WDR27: variants seen among roughly 807,000 people sequenced by gnomAD.
The protein encoded by WDR27 is WD repeat domain 27.
Under a neutral mutation model 114.4 loss-of-function variants are expected in WDR27, and 100 were observed. The ratio of observed to expected loss-of-function variants is 0.87; its 90% CI spans 0.74 to 1.03. The LOEUF is 1.03. WDR27 is among the 50% of genes least tolerant of loss of function. The pLI is 0.00. For synonymous variants in WDR27, 449 were observed against 423.1 expected, an observed-to-expected ratio of 1.06 and a Z score of -0.75; for missense variants, 1,129 against 1,092.9, an observed-to-expected ratio of 1.03 and a Z score of -0.47.
At chr6:169,630,036 T>G (rs1815944909) in intron 21 of WDR27, among the ~76,000 whole-genome samples, 1 of 152,170 alleles carries the variant, frequency 6.6e-6, no homozygotes, top group South Asian at 2.1e-4. Context: ...ATGACAATGT[T>G]TAAGAAATTT....
At chr6:169,613,181 G>A (rs757799280) in intron 22 of WDR27, among the ~76,000 whole-genome samples, 6 of 152,172 alleles carry the variant, frequency 3.9e-5, no homozygotes, top group Admixed American at 3.3e-4. Flanking sequence ...AGAGTCAGGC[G>A]CCGCTGGCCC....
chr6:169,682,895 A>G (rs1781896337), intron 2 of WDR27, among the ~76,000 whole-genome samples: 1 of 152,240 alleles, frequency 6.6e-6, no homozygotes, highest in Non-Finnish European at 1.5e-5. Context: ...AAAATCAAAA[A>G]TTTTGGAGCT....
chr6:169,491,488 T>C (rs1007607818), intron 25 of WDR27, among the ~76,000 whole-genome samples: 6 of 151,760 alleles, frequency 4.0e-5, no homozygotes, highest in Non-Finnish European at 5.9e-5. Flanking sequence ...ATTTCATATA[T>C]ATAGAAATTA....
chr6:169,591,814 G>A (rs1190118911), intron 23 of WDR27, among the ~76,000 whole-genome samples: 1 of 152,026 alleles, frequency 6.6e-6, no homozygotes, highest in Non-Finnish European at 1.5e-5. Flanking sequence ...GGAATTGGCT[G>A]TTGCCTGTGG....
At chr6:169,497,950 G>C (rs1343953369) in intron 25 of WDR27, among the ~76,000 whole-genome samples, 1 of 152,018 alleles carries the variant, frequency 6.6e-6, no homozygotes, top group African/African-American at 2.4e-5. Context: ...AGAGATATTT[G>C]TTCAAACATG....
At chr6:169,574,189 C>A (rs1801892941) in intron 24 of WDR27, among the ~76,000 whole-genome samples, 1 of 152,254 alleles carries the variant, frequency 6.6e-6, no homozygotes, top group Non-Finnish European at 1.5e-5. Flanking sequence ...AGCCTGTGGT[C>A]CCTTGTGAGC....
intron 25 of WDR27, among the ~76,000 whole-genome samples, chr6:169,463,805 A>G (rs2115286168): frequency 6.6e-6 from 1 of 152,358 alleles, no homozygotes; most frequent in East Asian, 1.9e-4. Context: ...AAATAGCATC[A>G]AAATAATAAA....
the WDR27 span, among the ~76,000 whole-genome samples, chr6:169,428,761 G>T: frequency 6.6e-6 from 1 of 152,200 alleles, no homozygotes; most frequent in Non-Finnish European, 1.5e-5. Context: ...CTGGCGTCAG[G>T]GTGAGGGTGA....
At chr6:169,536,401 T>C (rs773354651) in intron 25 of WDR27, among the ~76,000 whole-genome samples, 1 of 152,216 alleles carries the variant, frequency 6.6e-6, no homozygotes, top group Non-Finnish European at 1.5e-5. Flanking sequence ...TTTTCCAAAT[T>C]AGGTCCATTA....
chr6:169,668,897 C>G (rs774027040), intron 4 of WDR27: 1 of 152,200 alleles, frequency 6.6e-6, no homozygotes, highest in Non-Finnish European at 1.5e-5. Context: ...TACGACATAT[C>G]GCCATCAACA....
chr6:169,582,469 T>G (rs774026317), intron 24 of WDR27, among the ~76,000 whole-genome samples: 9 of 152,200 alleles, frequency 5.9e-5, no homozygotes, highest in Non-Finnish European at 1.2e-4. Context: ...TGCTGCTTGC[T>G]TTCTTGCTGG....
intron 18 of WDR27, among the ~76,000 whole-genome samples, chr6:169,637,247 C>T (rs1001264592): frequency 6.6e-6 from 1 of 152,194 alleles, no homozygotes; most frequent in Non-Finnish European, 1.5e-5. Flanking sequence ...CACTCCTCTC[C>T]CTAAAATATA....
intron 25 of WDR27, among the ~76,000 whole-genome samples, chr6:169,473,879 G>A (rs980402641): frequency 3.3e-5 from 5 of 152,206 alleles, no homozygotes; most frequent in Non-Finnish European, 5.9e-5. Context: ...AAAAAGCTGG[G>A]ATCTCTTCAG....
intron 25 of WDR27, among the ~76,000 whole-genome samples, chr6:169,474,315 A>G (rs1786837706): frequency 6.6e-6 from 1 of 152,246 alleles, no homozygotes; most frequent in African/African-American, 2.4e-5. Flanking sequence ...AACTCTGCTG[A>G]AGATCATCTC....
intron 25 of WDR27, among the ~76,000 whole-genome samples, chr6:169,569,423 T>C (rs2128125269): frequency 6.6e-6 from 1 of 152,370 alleles, no homozygotes; most frequent in East Asian, 1.9e-4. Context: ...GTTACAACTT[T>C]GTTAAAGTAT....
chr6:169,439,254 G>A, the WDR27 span, among the ~76,000 whole-genome samples: 6 of 152,120 alleles, frequency 3.9e-5, no homozygotes, highest in Non-Finnish European at 8.8e-5. Context: ...ATTTATAAAG[G>A]TCTGATGGTT....
In WDR27 at chr6:169,697,446, G is replaced by A. The variant is rs151279100; in HGVS notation, c.-8+4105C>T. 3.4e-3 allele frequency among the ~76,000 whole-genome samples: 517 copies of A among 152,208 alleles called. 1 individual carries two copies. Among genetic ancestry groups the A allele is most frequent in the African/African-American group, 0.011 (443 of 41,522 alleles). ...GGGAAAGGGAATCTCCCTTTCTCCC[G>A]GAGAGTTTAGAGAAGACTCTACTCC... On this transcript the variant is annotated intron_variant, in intron 1 of 25. Coordinates refer to ENST00000448612, the MANE Select transcript of WDR27 (RefSeq NM_182552.5).
chr6:169,511,079 C>T (rs1355102361), intron 25 of WDR27, among the ~76,000 whole-genome samples: 1 of 152,182 alleles, frequency 6.6e-6, no homozygotes, highest in African/African-American at 2.4e-5. Flanking sequence ...AAAGCAGAAA[C>T]ATTTCTCAAT....
At chr6:169,550,414 ATTAT>A (rs990526970) in intron 25 of WDR27, among the ~76,000 whole-genome samples, 3 of 151,834 alleles carry the variant, frequency 2.0e-5, no homozygotes, top group Non-Finnish European at 2.9e-5. Flanking sequence ...TGTATTTTAT[ATTAT>A]TTATTTATTT....
Sources: allele counts gnomAD v4.1 joint callset (sites outside exome capture counted in the v4.1 genomes callset), GRCh38; gene constraint gnomAD v4.1.1; transcripts MANE v1.5; gene names NCBI Gene and HGNC (gene_info 2026-07-23, HGNC 2026-07-21).